DOCK11: variants seen among roughly 807,000 people sequenced by gnomAD.
The protein encoded by DOCK11 is dedicator of cytokinesis 11.
DOCK11 carries 70 observed loss-of-function variants against 169.1 expected under a neutral mutation model. The ratio of observed to expected loss-of-function variants is 0.41; its 90% CI spans 0.34 to 0.51. The LOEUF is 0.51. DOCK11 is among the 20% of genes least tolerant of loss of function. DOCK11 has a pLI of 0.10. For synonymous variants in DOCK11, 529 were observed against 541.3 expected, an observed-to-expected ratio of 0.98 and a Z score of 0.32; for missense variants, 1,166 against 1,538.8, an observed-to-expected ratio of 0.76 and a Z score of 4.05.
intron 44 of DOCK11, among the ~76,000 whole-genome samples, chrX:118,660,346 C>T (rs1321512887): frequency 8.9e-6 from 1 of 112,011 alleles, no homozygotes; most frequent in Non-Finnish European, 1.9e-5. Context: ...GTGAAAGTTC[C>T]TTATCTTTTT....
chrX:118,663,391 G>A (rs1458495831), intron 45 of DOCK11, among the ~76,000 whole-genome samples: 2 of 112,022 alleles, frequency 1.8e-5, no homozygotes, highest in Admixed American at 1.9e-4. Flanking sequence ...AAAGTCAAAG[G>A]TGAAAGATGC....
chrX:118,552,510 G>A (rs1172951922), intron 6 of DOCK11, among the ~76,000 whole-genome samples: 1 of 112,399 alleles, frequency 8.9e-6, no homozygotes, highest in Non-Finnish European at 1.9e-5. Context: ...CTGGTCAGTT[G>A]TTAAGATATA....
intron 23 of DOCK11, among the ~76,000 whole-genome samples, chrX:118,601,426 A>C (rs1224110336): frequency 9.1e-6 from 1 of 109,893 alleles, no homozygotes; most frequent in Non-Finnish European, 1.9e-5. Flanking sequence ...TGTCTCAAAA[A>C]AAAAAAAAAA....
intron 19 of DOCK11, among the ~76,000 whole-genome samples, 190 bp downstream of exon 19, chrX:118,590,492 C>G (rs1320431188): frequency 9.0e-6 from 1 of 110,732 alleles, no homozygotes; most frequent in African/African-American, 3.3e-5. Flanking sequence ...GAAGATTTAC[C>G]CCCCAATTTA....
Position 118,496,037 on chromosome X carries a change from G to C in DOCK11, c.66G>C (p.Gln22His), listed in dbSNP as rs748664109. 32 of 1,092,334 alleles carry C rather than the reference G, an allele frequency of 2.9e-5. 1 individual carries two copies. In the East Asian group the frequency reaches 1.3e-3, roughly 44 times the overall value. The allele number at this position is 1,092,334 out of a possible 1,213,427, so 90.0% of individuals were successfully genotyped here. Residue 22 changes from glutamine to histidine, a missense_variant, in exon 1 of 53, where the codon CAG (glutamine) becomes CAC (histidine). By Grantham distance (24) the Gln-to-His change is conservative. Transcript: ENST00000276202. ...CTGGCACGGCGGCTGAGCTCCGGCA[G>C]AGCGTGTCTGAGGCCGTGCGGGGCT... is the stretch of plus-strand genomic sequence containing the variant. Reference protein sequence around the residue: ...SKPGTAAELRQSVSEAVRGSV... With the variant: ...SKPGTAAELRHSVSEAVRGSV...
rs1195883379 is a variant in DOCK11, at chrX:118,680,743, C to T, written c.5671+51C>T. The stretch of plus-strand genomic sequence containing the variant: ...TCTTATTTGTCTTGGTCTTTTTCAG[C>T]ATACACGAGTAGCAGCTGGCCAGCT... On this transcript the variant is annotated intron_variant, in intron 49 of 52. Coordinates refer to ENST00000276202, the MANE Select transcript of DOCK11 (RefSeq NM_144658.4). 4 of 996,478 alleles carry T rather than the reference C, an allele frequency of 4.0e-6. No individual in the cohort carries two copies. The Admixed American group carries it at 1.1e-4, about 26-fold the overall frequency. The allele number at this position is 996,478 out of a possible 1,213,427, so 82.1% of individuals were successfully genotyped here.
At chrX:118,654,157 C>T (rs1161555342) in intron 42 of DOCK11, among the ~76,000 whole-genome samples, 1 of 112,462 alleles carries the variant, frequency 8.9e-6, no homozygotes, top group Non-Finnish European at 1.9e-5. Flanking sequence ...AGACTTTGGT[C>T]GAGCATTTAA....
intron 28 of DOCK11, among the ~76,000 whole-genome samples, chrX:118,610,749 G>A (rs1459369980): frequency 8.9e-6 from 1 of 111,805 alleles, no homozygotes; most frequent in East Asian, 2.8e-4. Flanking sequence ...TCAAAAATGT[G>A]AGAGGCTGGC....
chrX:118,539,600 G>T (rs1000771375), intron 1 of DOCK11, among the ~76,000 whole-genome samples: 3 of 111,424 alleles, frequency 2.7e-5, no homozygotes, highest in Non-Finnish European at 5.7e-5. Context: ...CTCATCACAA[G>T]AAATGTTAAA....
At chrX:118,545,134 G>A (rs995960928) in intron 4 of DOCK11, among the ~76,000 whole-genome samples, 189 bp from the exon 5 acceptor site, 1 of 111,396 alleles carries the variant, frequency 9.0e-6, no homozygotes, top group Non-Finnish European at 1.9e-5. Context: ...CTTACAGTAA[G>A]TTTACTCAGA....
chrX:118,648,054 T>G (rs1423065606), intron 40 of DOCK11, among the ~76,000 whole-genome samples: 1 of 65,381 alleles, frequency 1.5e-5, no homozygotes, highest in Admixed American at 2.8e-4. Flanking sequence ...TAATATATAA[T>G]ATATAATATA....
At chrX:118,529,724 G>A (rs767198415) in intron 1 of DOCK11, among the ~76,000 whole-genome samples, 60 of 111,555 alleles carry the variant, frequency 5.4e-4, no homozygotes, top group Non-Finnish European at 7.7e-4. Flanking sequence ...AATAGCTCTG[G>A]GTTTCAGAAG....
At chrX:118,667,032 G>A (rs1338219524) in intron 45 of DOCK11, among the ~76,000 whole-genome samples, 1 of 111,476 alleles carries the variant, frequency 9.0e-6, no homozygotes, top group Non-Finnish European at 1.9e-5. Flanking sequence ...TTTGTGAAAT[G>A]TTTGTCTTTT....
intron 35 of DOCK11, among the ~76,000 whole-genome samples, chrX:118,635,479 T>G (rs944459105): frequency 8.9e-6 from 1 of 112,742 alleles, no homozygotes; most frequent in Non-Finnish European, 1.9e-5. Context: ...GACTTTTGTG[T>G]CTGAAATAGT....
At chrX:118,540,211 A>G (rs2147342847) in intron 1 of DOCK11, among the ~76,000 whole-genome samples, 1 of 111,243 alleles carries the variant, frequency 9.0e-6, no homozygotes, top group East Asian at 2.8e-4. Flanking sequence ...TTGAAATTTG[A>G]GGACTGTTTT....
At chrX:118,537,800 G>T (rs1489010879) in intron 1 of DOCK11, among the ~76,000 whole-genome samples, 1 of 111,743 alleles carries the variant, frequency 8.9e-6, no homozygotes, top group Non-Finnish European at 1.9e-5. Context: ...CCTCTCTTTG[G>T]ACCAAGAAGT....
chrX:118,536,474 T>C (rs192179148), intron 1 of DOCK11, among the ~76,000 whole-genome samples: 22 of 111,784 alleles, frequency 2.0e-4, no homozygotes, highest in African/African-American at 6.8e-4. Flanking sequence ...TCTCTGATCT[T>C]ACAGGGTTTA....
chrX:118,675,535 C>G lies in DOCK11; in HGVS notation c.5200-401C>G, dbSNP rs780302715. On this transcript the variant is annotated intron_variant, in intron 46 of 52. Coordinates refer to ENST00000276202, the MANE Select transcript of DOCK11 (RefSeq NM_144658.4). ...CAAGTGGGAGCTGAACAATGAGAAC[C>G]CATGGACACAGAGAGGGGAACAACT... Among the ~76,000 whole-genome samples the G allele has an allele frequency of 3.7e-5, 4 of 108,902 alleles. No homozygotes were observed. In the East Asian group the frequency reaches 1.2e-3, roughly 31 times the overall value. The allele number at this position is 108,902 out of a possible 115,157, so 94.6% of individuals were successfully genotyped here.
intron 1 of DOCK11, among the ~76,000 whole-genome samples, chrX:118,541,267 C>T (rs769981401): frequency 8.9e-6 from 1 of 111,923 alleles, no homozygotes; most frequent in Non-Finnish European, 1.9e-5. Flanking sequence ...CCCCCGCTCC[C>T]CCGCAGTTGC....
Sources: allele counts gnomAD v4.1 joint callset (sites outside exome capture counted in the v4.1 genomes callset), GRCh38; gene constraint gnomAD v4.1.1; transcripts MANE v1.5; gene names NCBI Gene and HGNC (gene_info 2026-07-23, HGNC 2026-07-21).